PTPN9: variants seen among roughly 807,000 people sequenced by gnomAD.
The protein encoded by PTPN9 is protein tyrosine phosphatase non-receptor type 9.
PTPN9 carries 26 observed loss-of-function variants against 69.8 expected under a neutral mutation model. The observed-to-expected ratio is 0.37, with a 90% CI of 0.27 to 0.52. PTPN9 has a LOEUF of 0.52. PTPN9 is among the 20% of genes least tolerant of loss of function. PTPN9 has a pLI of 0.91. For synonymous variants in PTPN9, 274 were observed against 272.5 expected (o/e 1.01, Z -0.05); for missense variants, 549 against 740.3 (o/e 0.74, Z 3.00).
intron 8 of PTPN9, among the ~76,000 whole-genome samples, chr15:75,481,167 C>A (rs1469055225): frequency 2.6e-5 from 2 of 78,122 alleles, no homozygotes; most frequent in Non-Finnish European, 5.0e-5. Context: ...GCCGAGACCC[C>A]CTCTGGGAGG....
intron 1 of PTPN9, among the ~76,000 whole-genome samples, chr15:75,558,104 C>T (rs1347284075): frequency 2.6e-5 from 4 of 152,048 alleles, no homozygotes; most frequent in East Asian, 1.9e-4. Flanking sequence ...CCAAGGCAGG[C>T]GGATCACGAG....
Position 75,505,752 on chromosome 15 carries a change from G to A in PTPN9, c.891C>T (p.Ala297=). 1 of 1,614,106 alleles carries A rather than the reference G, an allele frequency of 6.2e-7. No homozygotes were observed. The highest frequency in any genetic ancestry group is 8.5e-7 in the Non-Finnish European group (1 of 1,180,002). Residue 297 remains alanine, a synonymous_variant, in exon 7 of 13, where the codon GCC becomes GCT. Coordinates refer to ENST00000618819, the MANE Select transcript of PTPN9 (RefSeq NM_002833.4). ...CCTCATAGATTCCTTGCTTTTGCCT[G>A]GCATTAACATAGTCCACCAACTCTT... ...TIQELVDYVN[A]RQKQGIYEEY...
chr15:75,482,286 C>G (rs2074641995), intron 8 of PTPN9, among the ~76,000 whole-genome samples: 1 of 152,202 alleles, frequency 6.6e-6, no homozygotes, highest in Non-Finnish European at 1.5e-5. Flanking sequence ...CATCACCAGG[C>G]CGGGCGCGGT....
intron 1 of PTPN9, among the ~76,000 whole-genome samples, chr15:75,560,845 G>C (rs577967293): frequency 5.4e-5 from 8 of 148,562 alleles, no homozygotes; most frequent in Admixed American, 6.7e-5. Flanking sequence ...ATGGTGAAAC[G>C]CCGTCTCTAC....
chr15:75,505,612 G>A, intron 7 of PTPN9, 63 bp downstream of exon 7: 1 of 1,319,342 alleles, frequency 7.6e-7, no homozygotes, highest in Non-Finnish European at 1.1e-6. Flanking sequence ...GGAAGGAGCT[G>A]TTGCCAGAGC....
Position 75,524,302 on chromosome 15 carries a change from A to G in PTPN9, c.208-4T>C. 1 of 1,589,134 alleles carries G rather than the reference A, an allele frequency of 6.3e-7. No homozygotes were observed. The highest frequency in any genetic ancestry group is 8.6e-7 in the Non-Finnish European group (1 of 1,157,856). On this transcript the variant is annotated splice_region_variant and splice_polypyrimidine_tract_variant and intron_variant, in intron 2 of 12. Coordinates refer to ENST00000618819, the MANE Select transcript of PTPN9 (RefSeq NM_002833.4). ...TGCCTTCCTTCCTTCGAGTTTCCTAAAAAGGAAGCACAGCAAAATGTATTA... is the reference window on the plus strand; with the variant it reads ...TGCCTTCCTTCCTTCGAGTTTCCTAGAAAGGAAGCACAGCAAAATGTATTA...
At chr15:75,537,213 A>G (rs765459872) in intron 1 of PTPN9, among the ~76,000 whole-genome samples, 4 of 151,188 alleles carry the variant, frequency 2.6e-5, no homozygotes, top group Non-Finnish European at 4.4e-5. Context: ...TTAGCTGGGC[A>G]TGGTGGTGGG....
At chr15:75,558,870 G>A (rs995242544) in intron 1 of PTPN9, among the ~76,000 whole-genome samples, 5 of 151,954 alleles carry the variant, frequency 3.3e-5, no homozygotes, top group African/African-American at 9.7e-5. Context: ...GCGTGATCTC[G>A]GCTCGCTACA....
intron 7 of PTPN9, among the ~76,000 whole-genome samples, chr15:75,502,232 A>T (rs2141306665): frequency 6.6e-6 from 1 of 152,238 alleles, no homozygotes; most frequent in Non-Finnish European, 1.5e-5. Context: ...AGATCACCTG[A>T]GGTCAGGAGT....
At chr15:75,552,047 AAAAAAAGAAAAAAG>A (rs911690434) in intron 1 of PTPN9, among the ~76,000 whole-genome samples, 6 of 151,718 alleles carry the variant, frequency 4.0e-5, no homozygotes, top group East Asian at 1.9e-4. Context: ...ATCTCAAAAA[AAAAAAAGAAAAAAG>A]AAAAAAGAAA....
At chr15:75,520,604 G>A (rs1191555033) in intron 4 of PTPN9, among the ~76,000 whole-genome samples, 3 of 151,148 alleles carry the variant, frequency 2.0e-5, no homozygotes, top group Non-Finnish European at 4.4e-5. Context: ...TGCAACCTCC[G>A]CCCAAGTTCA....
At chr15:75,537,530 G>C (rs1344327624) in intron 1 of PTPN9, among the ~76,000 whole-genome samples, 1 of 144,872 alleles carries the variant, frequency 6.9e-6, no homozygotes, top group Non-Finnish European at 1.5e-5. Flanking sequence ...TAGGTGGGTG[G>C]ACCATGAGGT....
At chr15:75,573,888 G>A (rs915189086) in intron 1 of PTPN9, among the ~76,000 whole-genome samples, 3 of 152,160 alleles carry the variant, frequency 2.0e-5, no homozygotes, top group African/African-American at 7.2e-5. Flanking sequence ...TAATCTAACT[G>A]AAATCAAGGA....
chr15:75,505,111 T>C (rs2074811098), intron 7 of PTPN9, among the ~76,000 whole-genome samples: 1 of 152,136 alleles, frequency 6.6e-6, no homozygotes, highest in South Asian at 2.1e-4. Flanking sequence ...TGTTCTGTAC[T>C]AAGATAAATT....
At chr15:75,515,101 G>T (rs1459946626) in intron 5 of PTPN9, among the ~76,000 whole-genome samples, 2 of 152,126 alleles carry the variant, frequency 1.3e-5, no homozygotes, top group African/African-American at 4.8e-5. Flanking sequence ...GGTAAAATTA[G>T]TAGGAGAGCA....
At chr15:75,492,888 C>T (rs1481873603) in intron 7 of PTPN9, among the ~76,000 whole-genome samples, 2 of 152,132 alleles carry the variant, frequency 1.3e-5, no homozygotes, top group Non-Finnish European at 2.9e-5. Context: ...CACGGTGGCT[C>T]ATGCCTGTAA....
chr15:75,517,679 G>T (rs956151014), intron 4 of PTPN9, among the ~76,000 whole-genome samples: 1 of 151,986 alleles, frequency 6.6e-6, no homozygotes, highest in Admixed American at 6.6e-5. Flanking sequence ...AACATATTCC[G>T]TACTCAACCC....
At chr15:75,522,010 T>C (rs1331196352) in intron 4 of PTPN9, among the ~76,000 whole-genome samples, 1 of 152,030 alleles carries the variant, frequency 6.6e-6, no homozygotes, top group Non-Finnish European at 1.5e-5. Flanking sequence ...CTGGCCTCAA[T>C]ATAGCACTTC....
At chr15:75,545,829 G>A (rs981055427) in intron 1 of PTPN9, among the ~76,000 whole-genome samples, 40 of 152,110 alleles carry the variant, frequency 2.6e-4, no homozygotes, top group African/African-American at 9.7e-4. Flanking sequence ...CACGCCTGTA[G>A]TCCCAGCTAC....
Sources: allele counts gnomAD v4.1 joint callset (sites outside exome capture counted in the v4.1 genomes callset), GRCh38; gene constraint gnomAD v4.1.1; transcripts MANE v1.5; gene names NCBI Gene and HGNC (gene_info 2026-07-23, HGNC 2026-07-21).